Variants in B3GALT1 observed in about 807,000 individuals in gnomAD.
The protein encoded by B3GALT1 is UDP-Gal:betaGlcNAc beta 1,3-galactosyltransferase, polypeptide 1.
In B3GALT1, 10 loss-of-function variants were observed where a neutral mutation model predicts 23.2. The ratio of observed to expected loss-of-function variants is 0.43; its 90% CI spans 0.27 to 0.73. B3GALT1 has a LOEUF of 0.73. B3GALT1 is among the 30% of genes least tolerant of loss of function. The pLI, the probability that B3GALT1 is intolerant of heterozygous loss-of-function variation, is 0.21. For missense variants in B3GALT1, 299 were observed against 405.4 expected (o/e 0.74, Z 2.25); for synonymous variants, 156 against 141.5 (o/e 1.10, Z -0.73).
intron 4 of B3GALT1, among the ~76,000 whole-genome samples, chr2:167,820,768 G>A (rs1038519074): frequency 1.3e-5 from 2 of 152,232 alleles, no homozygotes; most frequent in Admixed American, 6.5e-5. Flanking sequence ...AAGCTTCGCT[G>A]ATTTGTAAAA....
At chr2:167,798,749 T>C (rs1053126150) in intron 3 of B3GALT1, among the ~76,000 whole-genome samples, 1 of 152,222 alleles carries the variant, frequency 6.6e-6, no homozygotes, top group Non-Finnish European at 1.5e-5. Flanking sequence ...TTGCTTAGAA[T>C]TGTCTTGGCT....
chr2:167,614,889 G>T (rs1418314541), intron 2 of B3GALT1, among the ~76,000 whole-genome samples: 1 of 151,990 alleles, frequency 6.6e-6, no homozygotes, highest in South Asian at 2.1e-4. Flanking sequence ...TGGTAGGTAG[G>T]TAAGTAGATA....
intron 2 of B3GALT1, among the ~76,000 whole-genome samples, chr2:167,529,383 A>G (rs938360312): frequency 1.3e-5 from 2 of 151,810 alleles, no homozygotes; most frequent in African/African-American, 4.8e-5. Flanking sequence ...CTGAATTTAT[A>G]CTTGCAGCCC....
At chr2:167,469,807 A>G (rs954374744) in intron 1 of B3GALT1, among the ~76,000 whole-genome samples, 5 of 152,114 alleles carry the variant, frequency 3.3e-5, no homozygotes, top group Non-Finnish European at 5.9e-5. Flanking sequence ...AATACATACA[A>G]TCATTACAAA....
intron 3 of B3GALT1, among the ~76,000 whole-genome samples, chr2:167,775,917 A>G (rs1342811654): frequency 2.6e-5 from 4 of 152,174 alleles, no homozygotes; most frequent in African/African-American, 9.7e-5. Context: ...GAGACAGTTA[A>G]CAAAGTCCTT....
intron 3 of B3GALT1, among the ~76,000 whole-genome samples, chr2:167,759,420 A>G (rs1687866978): frequency 6.6e-6 from 1 of 152,260 alleles, no homozygotes; most frequent in South Asian, 2.1e-4. Context: ...CTAGGGGGGC[A>G]ATAATTCCTA....
chr2:167,690,303 G>T (rs1686689322), intron 3 of B3GALT1, among the ~76,000 whole-genome samples: 1 of 151,630 alleles, frequency 6.6e-6, no homozygotes. Context: ...TAAATGCTAA[G>T]CATAACTTAA....
At chr2:167,849,358 G>T (rs764748146) in intron 4 of B3GALT1, among the ~76,000 whole-genome samples, 3 of 152,150 alleles carry the variant, frequency 2.0e-5, no homozygotes, top group Non-Finnish European at 4.4e-5. Context: ...CACCAAAACA[G>T]CATGGTGCTG....
At chr2:167,379,027 A>G (rs146343696) in intron 1 of B3GALT1, among the ~76,000 whole-genome samples, 538 of 152,284 alleles carry the variant, frequency 3.5e-3, no homozygotes, top group African/African-American at 0.012. Flanking sequence ...ACACTGCTGT[A>G]AAGAACTTAC....
At chr2:167,473,693 G>A (rs1699449668) in intron 1 of B3GALT1, among the ~76,000 whole-genome samples, 1 of 152,106 alleles carries the variant, frequency 6.6e-6, no homozygotes, top group African/African-American at 2.4e-5. Context: ...AGAGATGGAA[G>A]AAGGTGACCA....
chr2:167,724,538 G>A (rs987800088), intron 3 of B3GALT1, among the ~76,000 whole-genome samples: 1 of 152,018 alleles, frequency 6.6e-6, no homozygotes, highest in Non-Finnish European at 1.5e-5. Context: ...AATTATTGAA[G>A]ACCCAAAAGA....
At chr2:167,695,368 A>C (rs1686777084) in intron 3 of B3GALT1, among the ~76,000 whole-genome samples, 1 of 152,166 alleles carries the variant, frequency 6.6e-6, no homozygotes, top group African/African-American at 2.4e-5. Context: ...CTTTGAGAAA[A>C]AAGTTTTTAC....
At position 167,294,710 on chromosome 2, in the gene B3GALT1, A is replaced by G. The variant is rs1347542810; in HGVS notation, c.-511+1376A>G. 2.0e-5 allele frequency among the ~76,000 whole-genome samples: 3 copies of G among 152,170 alleles called. No homozygotes were observed. The South Asian group carries it at 6.2e-4, about 32-fold the overall frequency. ...GCGTTGGGGTTGCAGCAGGGAATGG[A>G]GGTGGAACATCAGCTCCCTGCCTGC... On this transcript the variant is annotated intron_variant, in intron 1 of 4. Transcript: ENST00000392690.
chr2:167,330,561 G>T (rs1696957816), intron 1 of B3GALT1, among the ~76,000 whole-genome samples: 1 of 152,198 alleles, frequency 6.6e-6, no homozygotes, highest in Admixed American at 6.5e-5. Flanking sequence ...AGTGAGCCAT[G>T]ATCACACCAC....
chr2:167,870,461 G>C lies in B3GALT1; in HGVS notation c.*441G>C, dbSNP rs754894600. ...CACACTGGATGTGATTATTAATATC[G>C]TGTGTGTTGTTACATTATATTTTTA... On this transcript the variant is annotated 3_prime_UTR_variant, in exon 5 of 5. Coordinates refer to ENST00000392690, the MANE Select transcript of B3GALT1 (RefSeq NM_020981.4). The C allele has an allele frequency of 5.8e-6, 1 of 171,504 alleles. No individual in the cohort carries two copies. The highest frequency in any genetic ancestry group is 1.4e-5 in the Non-Finnish European group (1 of 70,866). 10.6% of individuals were successfully genotyped at this position (171,504 alleles called of 1,614,324 possible).
At chr2:167,678,573 GA>G (rs76363929) in intron 3 of B3GALT1, among the ~76,000 whole-genome samples, 1 of 151,652 alleles carries the variant, frequency 6.6e-6, no homozygotes, top group Non-Finnish European at 1.5e-5. Flanking sequence ...AAATGCTGTT[GA>G]AAAAAATCAA....
At chr2:167,298,228 A>G (rs1167623710) in intron 1 of B3GALT1, among the ~76,000 whole-genome samples, 1 of 152,112 alleles carries the variant, frequency 6.6e-6, no homozygotes, top group Non-Finnish European at 1.5e-5. Context: ...ATGTGTAAGG[A>G]AGAACTTTAC....
intron 1 of B3GALT1, among the ~76,000 whole-genome samples, chr2:167,329,879 G>A (rs1239503318): frequency 1.3e-5 from 2 of 151,326 alleles, no homozygotes; most frequent in East Asian, 3.9e-4. Flanking sequence ...TAAGGTTTCT[G>A]TTGAGAAATC....
chr2:167,672,125 A>G (rs1409766587), intron 3 of B3GALT1, among the ~76,000 whole-genome samples: 1 of 152,118 alleles, frequency 6.6e-6, no homozygotes, highest in African/African-American at 2.4e-5. Context: ...TAAATAATGT[A>G]TTTGAAAAAT....
Sources: gnomAD v4.1 joint callset for allele counts (sites outside exome capture counted in the v4.1 genomes callset) on GRCh38, gnomAD v4.1.1 for gene constraint, MANE v1.5 for transcripts, NCBI Gene and HGNC (gene_info 2026-07-23, HGNC 2026-07-21) for gene names.